CD8B: variants seen among roughly 807,000 people sequenced by gnomAD.
The protein encoded by CD8B is CD8 subunit beta, also known as T-cell surface glycoprotein CD8 beta chain.
A neutral mutation model predicts 24.2 loss-of-function variants in CD8B; 6 were observed. The ratio of observed to expected loss-of-function variants is 0.25; its 90% CI spans 0.14 to 0.49. The LOEUF (loss-of-function observed/expected upper bound fraction) is 0.49, where lower values mean the gene tolerates loss of function less well. CD8B is among the 20% of genes least tolerant of loss of function. The pLI, the probability that CD8B is intolerant of heterozygous loss-of-function variation, is 0.98. For missense variants in CD8B, 196 were observed against 271.3 expected (o/e 0.72, Z 1.95); for synonymous variants, 84 against 108.3 (o/e 0.78, Z 1.39).
intron 3 of CD8B, among the ~76,000 whole-genome samples, chr2:86,850,090 A>G (rs1675902555): frequency 6.6e-6 from 1 of 152,126 alleles, no homozygotes; most frequent in Admixed American, 6.6e-5. Flanking sequence ...AGGAGAGGTC[A>G]TGGTTAAGAC....
intron 5 of CD8B, among the ~76,000 whole-genome samples, chr2:86,820,113 G>T (rs1674402300): frequency 6.6e-6 from 1 of 152,226 alleles, no homozygotes; most frequent in Non-Finnish European, 1.5e-5. Context: ...GATGAGCAAA[G>T]AAGGTGGTTT....
rs571255608 is a variant in CD8B, at chr2:86,838,744, A to G, written c.*3563T>C. Among the ~76,000 whole-genome samples, 12 of 152,314 alleles carry G rather than the reference A, an allele frequency of 7.9e-5. No individual in the cohort carries two copies. The East Asian group carries it at 2.3e-3, about 29-fold the overall frequency. On this transcript the variant is annotated 3_prime_UTR_variant, in exon 6 of 6. Coordinates refer to ENST00000390655, the MANE Select transcript of CD8B (RefSeq NM_004931.5). Reference sequence around the variant, plus strand: ...CTCAAACTCCTGAGCTCAAGTGATCATTCTGTGTGGGCCTCCCAAAGTACT... The same window carrying G: ...CTCAAACTCCTGAGCTCAAGTGATCGTTCTGTGTGGGCCTCCCAAAGTACT...
In CD8B at chr2:86,829,701, C is replaced by T. The variant is rs78717226; in HGVS notation, c.621-13983G>A. Among the ~76,000 whole-genome samples, 689 of 152,280 alleles carry T rather than the reference C, an allele frequency of 4.5e-3. 7 individuals are homozygous for T. The highest frequency in any genetic ancestry group is 0.015 in the African/African-American group (638 of 41,550). ...AAAATCACCAGCAAGCCTTTGTCTC[C>T]TTGCAGTCAGTTTCTCTCTGCTGCC... On this transcript the variant is annotated intron_variant, in intron 5 of 5. Coordinates refer to the CD8B transcript ENST00000331469.
chr2:86,859,049 C>A (rs1390013217), intron 1 of CD8B, among the ~76,000 whole-genome samples: 1 of 152,090 alleles, frequency 6.6e-6, no homozygotes, highest in African/African-American at 2.4e-5. Flanking sequence ...AAGCTGGTTG[C>A]CTTTCACCTC....
intron 5 of CD8B, chr2:86,843,399 G>C (rs1675527075): frequency 2.1e-6 from 2 of 974,982 alleles, no homozygotes; most frequent in Non-Finnish European, 2.4e-6. Flanking sequence ...ACCCGGCCTT[G>C]AATGGAACTT....
At chr2:86,858,563 T>C in intron 1 of CD8B, 147 bp from the exon 2 acceptor site, 1 of 1,428,804 alleles carries the variant, frequency 7.0e-7, no homozygotes, top group South Asian at 1.5e-5. Context: ...AGCGCAGCTG[T>C]TGGCTCCTGG....
chr2:86,822,474 A>G (rs768991715), intron 5 of CD8B: 276 of 708,638 alleles, frequency 3.9e-4, no homozygotes, highest in Non-Finnish European at 6.0e-4. Flanking sequence ...AATGCATTCA[A>G]TATAATTTTA....
At chr2:86,821,417 A>G (rs1674463018) in intron 5 of CD8B, among the ~76,000 whole-genome samples, 1 of 152,212 alleles carries the variant, frequency 6.6e-6, no homozygotes, top group African/African-American at 2.4e-5. Flanking sequence ...CTCCCAGCAC[A>G]GTGCTGGCGC....
chr2:86,851,612 C>A (rs992998113), intron 3 of CD8B, among the ~76,000 whole-genome samples: 1 of 152,138 alleles, frequency 6.6e-6, no homozygotes, highest in African/African-American at 2.4e-5. Flanking sequence ...TATTCAGTGC[C>A]GTCCTCAATA....
At chr2:86,822,377 T>A in intron 5 of CD8B, 1 of 1,565,852 alleles carries the variant, frequency 6.4e-7, no homozygotes. Context: ...ATCTTAGTCT[T>A]GGCACAATAG....
At chr2:86,823,144 A>C (rs1401926452) in intron 5 of CD8B, among the ~76,000 whole-genome samples, 2 of 152,030 alleles carry the variant, frequency 1.3e-5, no homozygotes, top group Non-Finnish European at 2.9e-5. Context: ...CCCCTCCCCC[A>C]GTTCCAGGTA....
chr2:86,842,093 A>G lies in CD8B; in HGVS notation c.*214T>C. ...CACTCTGTGAAGTGCCCTGGGGGCA[A>G]TGAAACCTTCTCCCTAGTATTCCCG... On this transcript the variant is annotated 3_prime_UTR_variant, in exon 6 of 6. Transcript: ENST00000390655. 5.9e-6 allele frequency: 8 copies of G among 1,353,426 alleles called. No homozygotes were observed. Among genetic ancestry groups the G allele is most frequent in the Non-Finnish European group, 7.6e-6 (8 of 1,048,732 alleles). The allele number at this position is 1,353,426 out of a possible 1,614,324, so 83.8% of individuals were successfully genotyped here.
intron 3 of CD8B, among the ~76,000 whole-genome samples, chr2:86,848,228 C>A (rs541847540): frequency 6.6e-6 from 1 of 152,276 alleles, no homozygotes; most frequent in South Asian, 2.1e-4. Flanking sequence ...CACTGACTTC[C>A]GTCCCCACCC....
intron 5 of CD8B, chr2:86,844,499 G>A (rs1389010129): frequency 2.4e-5 from 12 of 509,898 alleles, no homozygotes; most frequent in South Asian, 7.7e-5. Flanking sequence ...GATACTCTGC[G>A]GTATTCTGTG....
rs1196448208 is a variant in CD8B, at chr2:86,852,020, G to A, written c.493+977C>T. 2.6e-5 allele frequency among the ~76,000 whole-genome samples: 4 copies of A among 152,222 alleles called. No individual in the cohort carries two copies. The South Asian group carries it at 6.2e-4, about 24-fold the overall frequency. On this transcript the variant is annotated intron_variant, in intron 3 of 5. Coordinates refer to ENST00000390655, the MANE Select transcript of CD8B (RefSeq NM_004931.5). ...GTCTGGCTCTATCACCCAGGCTGGA[G>A]TGCAGTGGCAGGATCTCAGCTCACT...
intron 5 of CD8B, among the ~76,000 whole-genome samples, chr2:86,825,468 G>T (rs867202527): frequency 3.3e-5 from 5 of 152,176 alleles, no homozygotes; most frequent in African/African-American, 1.2e-4. Context: ...GAATCCCCAA[G>T]GGTCGCAGTA....
chr2:86,820,084 T>C (rs1674401552), intron 5 of CD8B, among the ~76,000 whole-genome samples: 1 of 152,222 alleles, frequency 6.6e-6, no homozygotes, highest in South Asian at 2.1e-4. Context: ...ACTTAACACA[T>C]GAGGAGTTTA....
intron 5 of CD8B, among the ~76,000 whole-genome samples, chr2:86,831,763 T>G (rs988615902): frequency 6.6e-6 from 1 of 152,140 alleles, no homozygotes; most frequent in Admixed American, 6.5e-5. Context: ...AAGTAGAAAC[T>G]GAAGATCAGC....
chr2:86,823,679 C>T (rs978645579), intron 5 of CD8B, among the ~76,000 whole-genome samples: 1 of 152,204 alleles, frequency 6.6e-6, no homozygotes, highest in African/African-American at 2.4e-5. Flanking sequence ...TTGATATTGA[C>T]TGTGCACCCA....
Sources: allele counts gnomAD v4.1 joint callset (sites outside exome capture counted in the v4.1 genomes callset), GRCh38; gene constraint gnomAD v4.1.1; transcripts MANE v1.5; gene names NCBI Gene and HGNC (gene_info 2026-07-23, HGNC 2026-07-21).